Variants in USH2A observed in about 807,000 individuals in gnomAD.
The protein encoded by USH2A is usherin.
USH2A carries 443 observed loss-of-function variants against 538.9 expected under a neutral mutation model. The observed-to-expected ratio is 0.82, with a 90% CI of 0.76 to 0.89. The LOEUF (loss-of-function observed/expected upper bound fraction) is 0.89, where lower values mean the gene tolerates loss of function less well. Among genes scored for constraint, USH2A ranks in the 40% least tolerant of loss-of-function variants. The pLI, the probability that USH2A is intolerant of heterozygous loss-of-function variation, is 0.00. For synonymous variants in USH2A, 2,413 were observed against 2,273.5 expected (o/e 1.06, Z -1.75); for missense variants, 6,633 against 6,324.8 (o/e 1.05, Z -1.65).
At chr1:216,304,242 C>T (rs1009396355) in intron 9 of USH2A, among the ~76,000 whole-genome samples, 2 of 151,954 alleles carry the variant, frequency 1.3e-5, no homozygotes, top group Non-Finnish European at 2.9e-5. Context: ...TTGAAGACCT[C>T]CAGTAGATGC....
chr1:215,823,089 A>G (rs1044418866), intron 47 of USH2A, among the ~76,000 whole-genome samples: 1 of 152,034 alleles, frequency 6.6e-6, no homozygotes, highest in African/African-American at 2.4e-5. Context: ...CTGCAATTAC[A>G]GTATTAGAGT....
chr1:216,088,705 ATG>A lies in USH2A; in HGVS notation c.4885+306_4885+307del, dbSNP rs2032208476. On this transcript the variant is annotated intron_variant, in intron 23 of 71. Coordinates refer to ENST00000307340, the MANE Select transcript of USH2A (RefSeq NM_206933.4). The stretch of plus-strand genomic sequence containing the variant: ...GACAAAAACTGCTTTCCTCTACTGT[ATG>A]TGTTTTTTGGAAGTCAAAAGTAAGA... Among the ~76,000 whole-genome samples the A allele has an allele frequency of 2.6e-5, 4 of 152,240 alleles. No homozygotes were observed. In the South Asian group the frequency reaches 8.3e-4, roughly 32 times the overall value.
chr1:216,027,096 C>G (rs1668985014), intron 32 of USH2A, among the ~76,000 whole-genome samples: 1 of 152,052 alleles, frequency 6.6e-6, no homozygotes, highest in Admixed American at 6.6e-5. Flanking sequence ...TTTTGTCCGT[C>G]CAAAATTCAT....
intron 47 of USH2A, among the ~76,000 whole-genome samples, chr1:215,826,815 C>T (rs1428634598): frequency 6.6e-6 from 1 of 151,688 alleles, no homozygotes. Flanking sequence ...TAAACTTAAA[C>T]GATGAAAACA....
intron 20 of USH2A, among the ~76,000 whole-genome samples, chr1:216,179,062 G>A (rs2034442772): frequency 6.6e-6 from 1 of 151,988 alleles, no homozygotes; most frequent in South Asian, 2.1e-4. Context: ...CCTTTCTCCA[G>A]GTCCCATTTG....
At chr1:216,016,826 T>C (rs77779060) in intron 32 of USH2A, among the ~76,000 whole-genome samples, 4,266 of 139,554 alleles carry the variant, frequency 0.031, 196 homozygotes, top group African/African-American at 0.11. Context: ...CCCAGCCTGC[T>C]GAGGGTTTTC....
intron 8 of USH2A, 127 bp downstream of exon 8, chr1:216,323,347 A>G: frequency 1.3e-6 from 1 of 795,564 alleles, no homozygotes; most frequent in Admixed American, 2.2e-5. Context: ...TCTTCCCCTA[A>G]AATCTTAGAG....
chr1:215,654,143 T>C (rs2102647584), intron 64 of USH2A, among the ~76,000 whole-genome samples: 1 of 152,314 alleles, frequency 6.6e-6, no homozygotes, highest in South Asian at 2.1e-4. Flanking sequence ...ATATTTTTGT[T>C]CCTACAGTGT....
At chr1:216,207,040 A>AT (rs904281783) in intron 16 of USH2A, among the ~76,000 whole-genome samples, 145 of 150,664 alleles carry the variant, frequency 9.6e-4, no homozygotes, top group African/African-American at 3.1e-3. Flanking sequence ...TGATGGGGTC[A>AT]TTTTTTTTTC....
At chr1:216,074,812 C>T (rs1012966911) in intron 27 of USH2A, among the ~76,000 whole-genome samples, 2 of 152,110 alleles carry the variant, frequency 1.3e-5, no homozygotes, top group African/African-American at 4.8e-5. Flanking sequence ...CCAACAAAAT[C>T]AGAACAGTGA....
rs545314193 is a variant in USH2A at position 216,271,255 on chromosome 1, T to C, written c.1971+18025A>G. On this transcript the variant is annotated intron_variant, in intron 11 of 71. Transcript: ENST00000307340. ...CTACCTCAGTGACAGCCCCAGACTT[T>C]CTATAGGAAGGGCAGGGTGGCCAAA... Among the ~76,000 whole-genome samples the C allele has an allele frequency of 3.3e-5, 5 of 152,202 alleles. No individual in the cohort carries two copies. In the South Asian group the frequency reaches 1.0e-3, roughly 32 times the overall value.
At chr1:215,961,497 C>T (rs76385357) in intron 37 of USH2A, among the ~76,000 whole-genome samples, 3,187 of 151,458 alleles carry the variant, frequency 0.021, 67 homozygotes, top group South Asian at 0.082. Context: ...CTTATAAAAA[C>T]AGCATCAGGA....
At chr1:216,157,307 TA>T (rs1222000554) in intron 21 of USH2A, among the ~76,000 whole-genome samples, 2 of 152,138 alleles carry the variant, frequency 1.3e-5, no homozygotes, top group African/African-American at 4.8e-5. Context: ...TGTTTATTAT[TA>T]AAAAGTCAAA....
intron 37 of USH2A, among the ~76,000 whole-genome samples, chr1:215,957,504 G>C (rs935279924): frequency 6.6e-6 from 1 of 152,022 alleles, no homozygotes; most frequent in Non-Finnish European, 1.5e-5. Context: ...ACTTTAACTG[G>C]GTTTCAATTT....
At chr1:215,741,593 C>T (rs1660307139) in intron 59 of USH2A, 56 bp from the exon 60 acceptor site, 5 of 1,579,796 alleles carry the variant, frequency 3.2e-6, no homozygotes, top group African/African-American at 2.7e-5. Context: ...AAAAGAACTA[C>T]ATATTCATAC....
intron 64 of USH2A, among the ~76,000 whole-genome samples, chr1:215,667,094 A>C (rs1454964805): frequency 1.3e-5 from 2 of 152,134 alleles, no homozygotes; most frequent in East Asian, 3.9e-4. Context: ...CATCTCAAAA[A>C]AAGAAAAAAA....
chr1:216,238,377 G>A (rs1339004359), intron 13 of USH2A, among the ~76,000 whole-genome samples: 1 of 152,108 alleles, frequency 6.6e-6, no homozygotes, highest in East Asian at 1.9e-4. Flanking sequence ...CTCTGATTAA[G>A]TGCCTACTGC....
chr1:215,626,216 G>GTA lies in USH2A; in HGVS notation c.15520-348_15520-347dup, dbSNP rs60588499. Among the ~76,000 whole-genome samples, 730 of 148,750 alleles carry GTA rather than the reference G, an allele frequency of 4.9e-3. 7 individuals carry two copies. Among genetic ancestry groups the GTA allele is most frequent in the African/African-American group, 0.016 (651 of 40,536 alleles). On this transcript the variant is annotated intron_variant, in intron 71 of 71. Coordinates refer to ENST00000307340, the MANE Select transcript of USH2A (RefSeq NM_206933.4). ...CTTGATAAAAATAAATTAGCTGGGG[G>GTA]TATATATATATATTTTTAGTATATA...
At chr1:216,066,307 A>G (rs1276818244) in intron 30 of USH2A, among the ~76,000 whole-genome samples, 1 of 151,926 alleles carries the variant, frequency 6.6e-6, no homozygotes, top group African/African-American at 2.4e-5. Flanking sequence ...TGTCTCCACT[A>G]AAAATACAAA....
Sources: gnomAD v4.1 joint callset for allele counts (sites outside exome capture counted in the v4.1 genomes callset) on GRCh38, gnomAD v4.1.1 for gene constraint, MANE v1.5 for transcripts, NCBI Gene and HGNC (gene_info 2026-07-23, HGNC 2026-07-21) for gene names.